WNK1: variants seen among roughly 807,000 people sequenced by gnomAD.
The protein encoded by WNK1 is serine/threonine-protein kinase WNK1.
A neutral mutation model predicts 222.8 loss-of-function variants in WNK1; 38 were observed. That is an observed-to-expected ratio of 0.17 (90% CI 0.13 to 0.22). The LOEUF is 0.22. WNK1 is among the 10% of genes least tolerant of loss of function. WNK1 has a pLI of 1.00. For missense variants in WNK1, 2,348 were observed against 2,918.4 expected (o/e 0.80, Z 4.50); for synonymous variants, 1,090 against 1,092.9 (o/e 1.00, Z 0.05).
At chr12:779,354 T>A (rs753438656) in intron 1 of WNK1, among the ~76,000 whole-genome samples, 33 of 151,824 alleles carry the variant, frequency 2.2e-4, no homozygotes, top group South Asian at 2.1e-4. Context: ...AAATTCCCTT[T>A]CCCTTAATTT....
At chr12:908,181 C>A in intron 27 of WNK1, 147 bp downstream of exon 27, 1 of 1,090,748 alleles carries the variant, frequency 9.2e-7, no homozygotes, top group Non-Finnish European at 1.3e-6. Context: ...CCCCAGGTAC[C>A]CTTTTATTTT....
chr12:800,404 GT>G (rs1168208115), intron 1 of WNK1, among the ~76,000 whole-genome samples: 1 of 151,728 alleles, frequency 6.6e-6, no homozygotes, highest in African/African-American at 2.4e-5. Flanking sequence ...TAGCATTCAG[GT>G]TTTTTTGCTA....
In WNK1 at chr12:886,029, C is replaced by T. The variant is rs1318451795; in HGVS notation, c.5225C>T (p.Thr1742Ile). The T allele has an allele frequency of 1.3e-6, 2 of 1,599,676 alleles. No individual in the cohort carries two copies. The highest frequency in any genetic ancestry group is 1.7e-6 in the Non-Finnish European group (2 of 1,175,398). The change falls in exon 19 of 28, where the codon ACA (threonine) becomes ATA (isoleucine). Residue 1742 changes from threonine (T) to isoleucine (I), a missense_variant. By Grantham distance (89) the Thr-to-Ile change is moderately conservative (BLOSUM62 -1). Coordinates refer to ENST00000315939, the MANE Select transcript of WNK1 (RefSeq NM_018979.4). ...GQVSTPVSTT[T>I]SGVKPGTAPS... ...GTTTCTACCCCAGTCAGCACTACTACATCAGGAGTGAAACCTGGAACTGCT... is the reference window on the plus strand; with the variant it reads ...GTTTCTACCCCAGTCAGCACTACTATATCAGGAGTGAAACCTGGAACTGCT...
chr12:803,936 A>G lies in WNK1; in HGVS notation c.760-9706A>G, dbSNP rs113579449. ...ATGACAATTGGATTAAATTATAACAACAATATTAATGCAGACAACTCTATT... is the reference window on the plus strand; with the variant it reads ...ATGACAATTGGATTAAATTATAACAGCAATATTAATGCAGACAACTCTATT... On this transcript the variant is annotated intron_variant, in intron 1 of 27. Transcript: ENST00000315939. Among the ~76,000 whole-genome samples the G allele has an allele frequency of 9.0e-3, 1,372 of 152,324 alleles. 11 individuals carry two copies. Among genetic ancestry groups the G allele is most frequent in the Non-Finnish European group, 0.012 (836 of 68,024 alleles).
At chr12:856,187 C>G (rs1020740234) in intron 4 of WNK1, among the ~76,000 whole-genome samples, 2 of 151,692 alleles carry the variant, frequency 1.3e-5, no homozygotes, top group African/African-American at 4.8e-5. Flanking sequence ...GTGGCTCACG[C>G]CTGTAATCCC....
intron 2 of WNK1, among the ~76,000 whole-genome samples, chr12:824,852 C>T (rs1427379995): frequency 6.6e-6 from 1 of 151,146 alleles, no homozygotes; most frequent in African/African-American, 2.5e-5. Flanking sequence ...CACCAAGATT[C>T]TGTTGTTACT....
chr12:798,716 C>G (rs1485803110), intron 1 of WNK1, among the ~76,000 whole-genome samples: 1 of 152,044 alleles, frequency 6.6e-6, no homozygotes. Flanking sequence ...AGAAAATATG[C>G]ATGTATAATA....
chr12:792,135 A>T (rs1385177127), intron 1 of WNK1, among the ~76,000 whole-genome samples: 1 of 152,152 alleles, frequency 6.6e-6, no homozygotes. Flanking sequence ...GAGCTTGTCA[A>T]GGCAAAGTTT....
At chr12:848,642 T>C (rs2154052815) in intron 4 of WNK1, among the ~76,000 whole-genome samples, 1 of 151,824 alleles carries the variant, frequency 6.6e-6, no homozygotes, top group African/African-American at 2.4e-5. Context: ...TACTTAAATA[T>C]TGTGGGGGAA....
At chr12:800,012 T>A (rs552916919) in intron 1 of WNK1, among the ~76,000 whole-genome samples, 3 of 152,256 alleles carry the variant, frequency 2.0e-5, no homozygotes, top group Middle Eastern at 3.4e-3. Context: ...GGCACAGTGG[T>A]GCGCACCCAT....
At chr12:754,698 C>CGTCTGGGTG (rs1939718008) in intron 1 of WNK1, among the ~76,000 whole-genome samples, 2 of 152,258 alleles carry the variant, frequency 1.3e-5, no homozygotes, top group Non-Finnish European at 2.9e-5. Context: ...TGATGAGCTG[C>CGTCTGGGTG]GTCTGGGTGT....
rs1954736870 is a variant in WNK1, at chr12:896,423, C to A, written c.5936C>A (p.Pro1979His). 1 of 1,614,122 alleles carries A rather than the reference C, an allele frequency of 6.2e-7. No individual in the cohort carries two copies. Among genetic ancestry groups the A allele is most frequent in the Non-Finnish European group, 8.5e-7 (1 of 1,180,026 alleles). ...DTKKEGPVAS[P>H]PFMDLEQAVL... ...AAGAAAGAAGGACCAGTGGCATCTC[C>A]TCCTTTTATGGATTTGGAACAAGCT... Residue 1979 changes from proline to histidine, a missense_variant, in exon 24 of 28, where the codon CCT becomes CAT. By Grantham distance (77) the Pro-to-His change is moderately conservative. Around this residue, in one of 13 missense-constraint regions of WNK1, gnomAD observed 1,144 missense variants for 1,273.6 expected, o/e 0.90. Transcript: ENST00000315939.
chr12:755,487 T>G (rs1239492017), intron 1 of WNK1, among the ~76,000 whole-genome samples: 1 of 152,190 alleles, frequency 6.6e-6, no homozygotes, highest in African/African-American at 2.4e-5. Context: ...GGAAGTAAAC[T>G]TAAAAACTAA....
chr12:885,728 A>C lies in WNK1; in HGVS notation c.4924A>C (p.Thr1642Pro), dbSNP rs1953587587. The C allele has an allele frequency of 6.2e-7, 1 of 1,614,224 alleles. No homozygotes were observed. The highest frequency in any genetic ancestry group is 8.5e-7 in the Non-Finnish European group (1 of 1,180,032). Residue 1642 changes from threonine to proline, a missense_variant, in exon 19 of 28, where the codon ACA becomes CCA. Around this residue, in one of 13 missense-constraint regions of WNK1, gnomAD observed 1,144 missense variants for 1,273.6 expected, o/e 0.90. Transcript: ENST00000315939. The part of the protein sequence containing the change: ...HTHCPEVDSD[T>P]QPKAPGIDDI... Reference sequence around the variant, plus strand: ...TCATTGTCCTGAAGTAGATTCTGATACACAACCCAAAGCTCCTGGAATTGA... The same window carrying C: ...TCATTGTCCTGAAGTAGATTCTGATCCACAACCCAAAGCTCCTGGAATTGA...
At chr12:847,801 C>CTTTTTTTTTTTT (rs898832948) in intron 4 of WNK1, among the ~76,000 whole-genome samples, 1 of 68,648 alleles carries the variant, frequency 1.5e-5, no homozygotes, top group Non-Finnish European at 2.6e-5. Flanking sequence ...GATTAATTCT[C>CTTTTTTTTTTTT]TTTTTTTTTT....
At chr12:832,297 G>A (rs1166858118) in intron 4 of WNK1, among the ~76,000 whole-genome samples, 1 of 151,964 alleles carries the variant, frequency 6.6e-6, no homozygotes, top group Non-Finnish European at 1.5e-5. Context: ...GGATGGTCTC[G>A]ATCTCCTGAC....
chr12:755,616 G>A (rs1370126888), intron 1 of WNK1, among the ~76,000 whole-genome samples: 1 of 150,766 alleles, frequency 6.6e-6, no homozygotes, highest in Non-Finnish European at 1.5e-5. Flanking sequence ...TTGAAAAGGT[G>A]ACAGATCTTT....
intron 15 of WNK1, 69 bp downstream of exon 15, chr12:883,128 A>G: frequency 8.7e-7 from 1 of 1,147,064 alleles, no homozygotes; most frequent in Non-Finnish European, 1.3e-6. Flanking sequence ...CTCTAGGCAA[A>G]TATGCCATAT....
chr12:805,713 T>A (rs1020527412), intron 1 of WNK1, among the ~76,000 whole-genome samples: 2 of 152,176 alleles, frequency 1.3e-5, no homozygotes, highest in African/African-American at 4.8e-5. Context: ...CCAAACTACC[T>A]ATAGTCAAAA....
Sources: allele counts gnomAD v4.1 joint callset (sites outside exome capture counted in the v4.1 genomes callset), GRCh38; gene constraint gnomAD v4.1.1; regional missense constraint gnomAD v4.1.1; transcripts MANE v1.5; gene names NCBI Gene and HGNC (gene_info 2026-07-23, HGNC 2026-07-21).